The following YAP1 variants were observed in gnomAD, a reference collection of about 807,000 sequenced individuals.
YAP1 encodes transcriptional coactivator YAP1.
In YAP1, 5 loss-of-function variants were observed where a neutral mutation model predicts 56.9. The observed-to-expected ratio is 0.09, with a 90% CI of 0.05 to 0.18. The LOEUF is 0.18. Among genes scored for constraint, YAP1 ranks in the 10% least tolerant of loss-of-function variants. The pLI is 1.00. For synonymous variants in YAP1, 265 were observed against 248.1 expected (o/e 1.07, Z -0.64); for missense variants, 539 against 651.8 (o/e 0.83, Z 1.88).
At chr11:102,169,942 TC>T (rs1946813651) in intron 3 of YAP1, among the ~76,000 whole-genome samples, 1 of 152,254 alleles carries the variant, frequency 6.6e-6, no homozygotes, top group African/African-American at 2.4e-5. Context: ...TTAAATTTTT[TC>T]TTTTTGAAAT....
intron 3 of YAP1, among the ~76,000 whole-genome samples, chr11:102,175,425 A>G (rs1947187093): frequency 6.6e-6 from 1 of 152,156 alleles, no homozygotes; most frequent in South Asian, 2.1e-4. Context: ...TCTTTTACCA[A>G]AACTTGATGT....
At chr11:102,152,248 A>T (rs1344391769) in intron 2 of YAP1, among the ~76,000 whole-genome samples, 1 of 152,210 alleles carries the variant, frequency 6.6e-6, no homozygotes, top group Non-Finnish European at 1.5e-5. Context: ...CTCACCGCTA[A>T]TGAAAAGCTA....
intron 2 of YAP1, among the ~76,000 whole-genome samples, chr11:102,139,523 T>A (rs1944883230): frequency 6.6e-6 from 1 of 152,210 alleles, no homozygotes. Context: ...GTTTCAGGCA[T>A]TCTAAACCCG....
chr11:102,136,347 CTT>C (rs549818441), intron 2 of YAP1, among the ~76,000 whole-genome samples: 58 of 141,798 alleles, frequency 4.1e-4, no homozygotes, highest in Middle Eastern at 3.3e-3. Context: ...GCCATTTTTC[CTT>C]TTTTTTTTTT....
chr11:102,189,008 A>G (rs1441081599), intron 4 of YAP1, among the ~76,000 whole-genome samples: 1 of 152,182 alleles, frequency 6.6e-6, no homozygotes, highest in African/African-American at 2.4e-5. Flanking sequence ...ATGAAGTGAC[A>G]TCAGATGGCA....
At chr11:102,224,414 T>C (rs1950093342) in intron 7 of YAP1, among the ~76,000 whole-genome samples, 1 of 152,348 alleles carries the variant, frequency 6.6e-6, no homozygotes, top group Non-Finnish European at 1.5e-5. Context: ...TCATTTAAGA[T>C]TAAGATTTAA....
intron 4 of YAP1, among the ~76,000 whole-genome samples, chr11:102,198,025 T>A (rs753077584): frequency 6.6e-6 from 1 of 152,226 alleles, no homozygotes; most frequent in Non-Finnish European, 1.5e-5. Flanking sequence ...CAAGGTTGTT[T>A]GAATTGGTCA....
chr11:102,224,471 A>G (rs1353303848), intron 7 of YAP1, among the ~76,000 whole-genome samples: 1 of 152,250 alleles, frequency 6.6e-6, no homozygotes, highest in Non-Finnish European at 1.5e-5. Flanking sequence ...TTTTTAAAAT[A>G]TGGGATTAGT....
intron 2 of YAP1, among the ~76,000 whole-genome samples, chr11:102,131,063 A>T (rs1032678327): frequency 6.6e-6 from 1 of 152,098 alleles, no homozygotes; most frequent in South Asian, 2.1e-4. Context: ...GCAGATAAGA[A>T]TTTGCACAGC....
Position 102,186,081 on chromosome 11 carries a change from A to G in YAP1, c.752A>G (p.His251Arg). The part of the protein sequence containing the change: ...TQDGEIYYIN[H>R]KNKTTSWLDP... ...GATGGAGAAATTTACTATATAAACC[A>G]TAAGAACAAGACCACCTCTTGGCTA... Residue 251 changes from histidine (H) to arginine (R), a missense_variant, in exon 4 of 9, where the codon CAT becomes CGT. Coordinates refer to ENST00000282441, the MANE Select transcript of YAP1 (RefSeq NM_001130145.3). 6.2e-7 allele frequency: 1 copy of G among 1,613,152 alleles called. No individual in the cohort carries two copies. The highest frequency in any genetic ancestry group is 8.5e-7 in the Non-Finnish European group (1 of 1,179,576).
At chr11:102,138,429 G>A (rs938126161) in intron 2 of YAP1, among the ~76,000 whole-genome samples, 6 of 152,082 alleles carry the variant, frequency 3.9e-5, no homozygotes, top group Non-Finnish European at 5.9e-5. Context: ...TTCTTTTCAC[G>A]TTTTCACCAT....
intron 4 of YAP1, among the ~76,000 whole-genome samples, chr11:102,204,410 G>A (rs1243735100): frequency 2.0e-5 from 3 of 152,072 alleles, no homozygotes; most frequent in South Asian, 4.1e-4. Context: ...AGATGACTAC[G>A]ATATGACCCA....
At chr11:102,130,720 C>CTTTTTTTTTTTTT (rs61175592) in intron 2 of YAP1, among the ~76,000 whole-genome samples, 2 of 98,114 alleles carry the variant, frequency 2.0e-5, no homozygotes, top group Non-Finnish European at 4.0e-5. Flanking sequence ...GATAACTACT[C>CTTTTTTTTTTTTT]TTTTTTTTTT....
intron 2 of YAP1, among the ~76,000 whole-genome samples, chr11:102,123,093 C>T (rs535819617): frequency 5.3e-5 from 8 of 152,088 alleles, no homozygotes; most frequent in African/African-American, 1.7e-4. Context: ...CCTCAAAATC[C>T]TTTTCTTTAA....
In YAP1 at chr11:102,123,255, G is replaced by A. The variant is rs115198403; in HGVS notation, c.572+8861G>A. Among the ~76,000 whole-genome samples, 1,180 of 152,172 alleles carry A rather than the reference G, an allele frequency of 7.8e-3. 12 individuals are homozygous for A. The highest frequency in any genetic ancestry group is 0.021 in the African/African-American group (880 of 41,534). On this transcript the variant is annotated intron_variant, in intron 2 of 8. Coordinates refer to ENST00000282441, the MANE Select transcript of YAP1 (RefSeq NM_001130145.3). ...GGCCAACTGTGATTTTGTTTTTGCC[G>A]TGATTTTTTGTTTTTATTTCTGTTG...
intron 3 of YAP1, among the ~76,000 whole-genome samples, chr11:102,162,823 G>A (rs1268861839): frequency 2.0e-5 from 3 of 152,130 alleles, no homozygotes; most frequent in Non-Finnish European, 4.4e-5. Flanking sequence ...TCTGAAGCGG[G>A]TATCTCAAAT....
Position 102,194,180 on chromosome 11 carries a change from T to C in YAP1, c.802+8049T>C, listed in dbSNP as rs559902497. ...CTCTGTATTAACAGCAAACATCTTA[T>C]ATGCTGGAAAAGAGGAACCATTTGG... On this transcript the variant is annotated intron_variant, in intron 4 of 8. Coordinates refer to ENST00000282441, the MANE Select transcript of YAP1 (RefSeq NM_001130145.3). Among the ~76,000 whole-genome samples, 9 of 152,328 alleles carry C rather than the reference T, an allele frequency of 5.9e-5. No homozygotes were observed. In the South Asian group the frequency reaches 8.3e-4, roughly 14 times the overall value.
intron 7 of YAP1, among the ~76,000 whole-genome samples, chr11:102,225,498 GACAA>G (rs1317088873): frequency 1.3e-5 from 2 of 152,068 alleles, no homozygotes; most frequent in Non-Finnish European, 2.9e-5. Flanking sequence ...AAAACAAAAA[GACAA>G]ACAAAAAAAC....
chr11:102,112,174 G>A (rs1430899565), intron 1 of YAP1, among the ~76,000 whole-genome samples: 1 of 152,188 alleles, frequency 6.6e-6, no homozygotes, highest in Non-Finnish European at 1.5e-5. Flanking sequence ...GCCAAGTCCT[G>A]CCTAGTTCAA....
Sources: allele counts gnomAD v4.1 joint callset (sites outside exome capture counted in the v4.1 genomes callset), GRCh38; gene constraint gnomAD v4.1.1; transcripts MANE v1.5; gene names NCBI Gene and HGNC (gene_info 2026-07-23, HGNC 2026-07-21).